RBFOX1: variants seen among roughly 807,000 people sequenced by gnomAD.
The protein encoded by RBFOX1 is RNA binding protein fox-1 homolog 1.
Under a neutral mutation model 57.7 loss-of-function variants are expected in RBFOX1, and 8 were observed. The ratio of observed to expected loss-of-function variants is 0.14; its 90% CI spans 0.08 to 0.25. The LOEUF (loss-of-function observed/expected upper bound fraction) is 0.25, where lower values mean the gene tolerates loss of function less well. Ranked by LOEUF, RBFOX1 falls within the 10% of genes least tolerant of loss-of-function variation. The pLI is 1.00. For synonymous variants in RBFOX1, 326 were observed against 222.4 expected (o/e 1.47, Z -4.15); for missense variants, 611 against 548.5 (o/e 1.11, Z -1.14).
At chr16:5,602,911 G>A (rs775426602), downstream of RBFOX1, among the ~76,000 whole-genome samples, 14 of 152,142 alleles carry the variant, frequency 9.2e-5, no homozygotes, top group Admixed American at 2.0e-4. Flanking sequence ...GAGAGCTGAC[G>A]GCATATTCGT....
intron 2 of RBFOX1, among the ~76,000 whole-genome samples, chr16:6,390,017 T>C (rs1249376730): frequency 6.6e-6 from 1 of 152,170 alleles, no homozygotes; most frequent in Non-Finnish European, 1.5e-5. Context: ...TTGGGCTAAA[T>C]TGCTTTTGGT....
chr16:7,530,094 C>G (rs1243968824), intron 5 of RBFOX1, among the ~76,000 whole-genome samples: 1 of 151,580 alleles, frequency 6.6e-6, no homozygotes, highest in African/African-American at 2.4e-5. Context: ...AGCTTGGATG[C>G]TTCAGTGTGA....
At chr16:7,638,547 C>G (rs1285022404) in intron 11 of RBFOX1, among the ~76,000 whole-genome samples, 1 of 152,172 alleles carries the variant, frequency 6.6e-6, no homozygotes, top group Non-Finnish European at 1.5e-5. Context: ...TCCTCCCCAT[C>G]CCATCATGTT....
At chr16:7,185,499 C>T (rs535398800) in intron 4 of RBFOX1, among the ~76,000 whole-genome samples, 1 of 152,124 alleles carries the variant, frequency 6.6e-6, no homozygotes, top group Non-Finnish European at 1.5e-5. Flanking sequence ...ATATTGCATC[C>T]TAATAATTCT....
chr16:6,847,028 C>T (rs1400169464), intron 3 of RBFOX1, among the ~76,000 whole-genome samples: 1 of 152,118 alleles, frequency 6.6e-6, no homozygotes, highest in African/African-American at 2.4e-5. Context: ...TTAAATCCCA[C>T]AGCTGCAAAA....
chr16:7,002,212 C>G (rs55866832), intron 3 of RBFOX1, among the ~76,000 whole-genome samples: 3,911 of 152,260 alleles, frequency 0.026, 166 homozygotes, highest in African/African-American at 0.087. Context: ...AGGGAAAAAT[C>G]TTGATGCTGT....
chr16:6,947,651 G>C (rs2079830949), intron 3 of RBFOX1, among the ~76,000 whole-genome samples: 2 of 152,206 alleles, frequency 1.3e-5, no homozygotes, highest in South Asian at 2.1e-4. Context: ...TTTAAGTTCT[G>C]TTCTATCGTT....
chr16:6,935,786 C>G (rs922235630), intron 3 of RBFOX1, among the ~76,000 whole-genome samples: 1 of 152,250 alleles, frequency 6.6e-6, no homozygotes, highest in Non-Finnish European at 1.5e-5. Context: ...GGTGGACTGT[C>G]AAGCACAGAG....
chr16:7,653,023 A>G (rs2065419022), intron 11 of RBFOX1, among the ~76,000 whole-genome samples: 1 of 152,218 alleles, frequency 6.6e-6, no homozygotes, highest in African/African-American at 2.4e-5. Context: ...AGTTGTGTGT[A>G]TGTGTATACA....
intron 2 of RBFOX1, among the ~76,000 whole-genome samples, chr16:6,509,312 C>T (rs142627399): frequency 2.8e-4 from 43 of 152,080 alleles, no homozygotes; most frequent in Middle Eastern, 6.8e-3. Flanking sequence ...AAATTGGTAA[C>T]GAAAATATGG....
chr16:6,951,800 C>T lies in RBFOX1; in HGVS notation c.-15-100257C>T, dbSNP rs573205556. On this transcript the variant is annotated intron_variant, in intron 3 of 15. Transcript: ENST00000550418. ...CCAGACTGGAGTGCAGTGGCATAAT[C>T]CAGGCTCACTGCAACCTCCGCCTCC... is the stretch of plus-strand genomic sequence containing the variant. Among the ~76,000 whole-genome samples, 22 of 152,242 alleles carry T rather than the reference C, an allele frequency of 1.4e-4. No homozygotes were observed. In the South Asian group the frequency reaches 4.6e-3, roughly 32 times the overall value.
chr16:7,592,710 G>C (rs528224214), intron 7 of RBFOX1, among the ~76,000 whole-genome samples: 1 of 152,236 alleles, frequency 6.6e-6, no homozygotes, highest in East Asian at 1.9e-4. Flanking sequence ...AAGAAGCCTG[G>C]GACATGTGCT....
chr16:5,806,635 C>T (rs918323397), intron 3 of RBFOX1, among the ~76,000 whole-genome samples: 2 of 152,170 alleles, frequency 1.3e-5, no homozygotes, highest in African/African-American at 2.4e-5. Flanking sequence ...AAAAATCAAG[C>T]CCAAGACAGT....
chr16:7,607,408 T>G, intron 10 of RBFOX1, 70 bp downstream of exon 10: 1 of 1,416,322 alleles, frequency 7.1e-7, no homozygotes, highest in Non-Finnish European at 9.8e-7. Context: ...CAAGAATGAA[T>G]GAGTTTTGTA....
intron 4 of RBFOX1, among the ~76,000 whole-genome samples, chr16:7,105,485 C>T (rs989689777): frequency 2.3e-4 from 35 of 152,188 alleles, no homozygotes; most frequent in African/African-American, 8.4e-4. Context: ...TGCACTTCCA[C>T]CCTTTCCCCT....
chr16:6,318,721 G>A (rs537894280), intron 2 of RBFOX1, among the ~76,000 whole-genome samples: 2 of 151,998 alleles, frequency 1.3e-5, no homozygotes, highest in South Asian at 4.2e-4. Flanking sequence ...CTATGGATAT[G>A]GTATTTCTGT....
chr16:7,624,515 G>GAGTT (rs933715090), intron 10 of RBFOX1, among the ~76,000 whole-genome samples: 4 of 152,186 alleles, frequency 2.6e-5, no homozygotes, highest in African/African-American at 9.7e-5. Context: ...AAAGCACATG[G>GAGTT]AGTTCAACAG....
chr16:6,042,165 A>G (rs1432085692), intron 1 of RBFOX1, among the ~76,000 whole-genome samples: 2 of 149,488 alleles, frequency 1.3e-5, no homozygotes, highest in Non-Finnish European at 3.0e-5. Flanking sequence ...CAGTGGTGCC[A>G]TCTCGGCTGA....
At chr16:5,306,607 G>A (rs865794115) in intron 1 of RBFOX1, among the ~76,000 whole-genome samples, 1 of 152,112 alleles carries the variant, frequency 6.6e-6, no homozygotes, top group Non-Finnish European at 1.5e-5. Context: ...ATGCCTGGCC[G>A]GGGTCTTGTA....
Sources: allele counts gnomAD v4.1 joint callset (sites outside exome capture counted in the v4.1 genomes callset), GRCh38; gene constraint gnomAD v4.1.1; transcripts MANE v1.5; gene names NCBI Gene and HGNC (gene_info 2026-07-23, HGNC 2026-07-21).